AKT3: variants seen among roughly 807,000 people sequenced by gnomAD.
The protein encoded by AKT3 is RAC-gamma serine/threonine-protein kinase.
A neutral mutation model predicts 65.3 loss-of-function variants in AKT3; 15 were observed. That is an observed-to-expected ratio of 0.23 (90% CI 0.15 to 0.35). AKT3 has a LOEUF of 0.35. AKT3 is among the 10% of genes least tolerant of loss of function. The pLI is 1.00. For synonymous variants in AKT3, 206 were observed against 183.8 expected, an observed-to-expected ratio of 1.12 and a Z score of -0.98; for missense variants, 243 against 576.5, an observed-to-expected ratio of 0.42 and a Z score of 5.92.
At chr1:243,699,835 T>G (rs1275584995) in intron 2 of AKT3, among the ~76,000 whole-genome samples, 1 of 151,914 alleles carries the variant, frequency 6.6e-6, no homozygotes, top group Non-Finnish European at 1.5e-5. Context: ...CAATTACAAA[T>G]GTCCTTTTAA....
chr1:243,490,528 C>T (rs1050438532), intron 13 of AKT3, among the ~76,000 whole-genome samples: 1 of 152,244 alleles, frequency 6.6e-6, no homozygotes, highest in African/African-American at 2.4e-5. Context: ...GGTTGTGTCA[C>T]TGTGCTGAAT....
chr1:243,550,223 A>G (rs1672953124), intron 11 of AKT3, among the ~76,000 whole-genome samples: 1 of 152,214 alleles, frequency 6.6e-6, no homozygotes. Context: ...CATCTCACTC[A>G]TCCTTGTATT....
At chr1:243,700,396 T>A (rs530702465) in intron 2 of AKT3, among the ~76,000 whole-genome samples, 9 of 152,194 alleles carry the variant, frequency 5.9e-5, no homozygotes, top group Non-Finnish European at 1.2e-4. Flanking sequence ...TTCCCTGTAG[T>A]TAAAACAAAC....
At chr1:243,660,423 C>G (rs9730285) in intron 4 of AKT3, among the ~76,000 whole-genome samples, 1 of 152,044 alleles carries the variant, frequency 6.6e-6, no homozygotes, top group Non-Finnish European at 1.5e-5. Flanking sequence ...AATCAATAAA[C>G]GTAATCCAGC....
chr1:243,825,558 A>C (rs1694116167), intron 2 of AKT3, among the ~76,000 whole-genome samples: 2 of 152,208 alleles, frequency 1.3e-5, no homozygotes, highest in South Asian at 4.1e-4. Context: ...CAAACTATGT[A>C]ATTTGGATAT....
chr1:243,645,000 T>C (rs1054966123), intron 5 of AKT3, among the ~76,000 whole-genome samples: 1 of 152,170 alleles, frequency 6.6e-6, no homozygotes, highest in Non-Finnish European at 1.5e-5. Flanking sequence ...AGAATATTAT[T>C]CTTATTCACA....
At chr1:243,562,781 G>A (rs999675984) in intron 10 of AKT3, among the ~76,000 whole-genome samples, 4 of 152,148 alleles carry the variant, frequency 2.6e-5, no homozygotes, top group African/African-American at 7.2e-5. Context: ...CTAGTCTCCA[G>A]CCATAGAATC....
chr1:243,627,651 T>A (rs530473070), intron 6 of AKT3, among the ~76,000 whole-genome samples: 1 of 152,160 alleles, frequency 6.6e-6, no homozygotes, highest in African/African-American at 2.4e-5. Flanking sequence ...GGCTGGAGGA[T>A]AAATCCAGCA....
chr1:243,774,118 C>G (rs1690385086), intron 2 of AKT3, among the ~76,000 whole-genome samples: 1 of 152,140 alleles, frequency 6.6e-6, no homozygotes, highest in Non-Finnish European at 1.5e-5. Context: ...GTATTTCTTA[C>G]TATTAGTCCC....
chr1:243,603,894 C>CTTTTT (rs566682027), intron 8 of AKT3, among the ~76,000 whole-genome samples: 2 of 129,972 alleles, frequency 1.5e-5, no homozygotes, highest in African/African-American at 2.9e-5. Flanking sequence ...AATTAATAAT[C>CTTTTT]TTTTTTTTTT....
chr1:243,527,870 AACACACACACACACAC>A (rs56956606), intron 12 of AKT3, among the ~76,000 whole-genome samples: 2,324 of 99,204 alleles, frequency 0.023, 57 homozygotes, highest in African/African-American at 0.033. Flanking sequence ...CATCTCTTAA[AACACACACACACACAC>A]ACACACACAC....
At chr1:243,799,083 C>T (rs982160226) in intron 2 of AKT3, among the ~76,000 whole-genome samples, 4 of 152,146 alleles carry the variant, frequency 2.6e-5, no homozygotes, top group African/African-American at 9.7e-5. Context: ...TGAACTAGGG[C>T]AGGCACTAGA....
chr1:243,491,149 ATC>A (rs1038002923), intron 13 of AKT3, among the ~76,000 whole-genome samples: 5 of 152,214 alleles, frequency 3.3e-5, no homozygotes, highest in African/African-American at 7.2e-5. Flanking sequence ...TTAACTCCCC[ATC>A]TGCCTGCTTT....
chr1:243,695,637 A>C lies in AKT3; in HGVS notation c.126T>G (p.Pro42=). Residue 42 remains proline (P), a synonymous_variant, in exon 3 of 14, where the codon CCT becomes CCG. Transcript: ENST00000673466. ...DGSFIGYKEK[P]QDVDLPYPLN... ...GGGGATAAGGTAAATCCACATCTTG[A>C]GGTTTCTCTTTATATCCTATGAATG... The C allele has an allele frequency of 6.2e-7, 1 of 1,607,780 alleles. No individual in the cohort carries two copies. The highest frequency in any genetic ancestry group is 8.5e-7 in the Non-Finnish European group (1 of 1,176,208).
rs1690382188 is a variant in AKT3 at position 243,774,057 on chromosome 1, GA to G, written c.46+69067del. Among the ~76,000 whole-genome samples the G allele has an allele frequency of 2.0e-5, 3 of 151,678 alleles. No individual in the cohort carries two copies. In the South Asian group the frequency reaches 6.2e-4, roughly 32 times the overall value. On this transcript the variant is annotated intron_variant, in intron 2 of 13. Transcript: ENST00000673466. ...TTACATGAGGAGTGTGAAAGAGCAA[GA>G]AAAAAAAGGTCACAAAAGGGTCCTA...
chr1:243,497,339 G>GA, downstream of AKT3, among the ~76,000 whole-genome samples: 1 of 143,608 alleles, frequency 7.0e-6, no homozygotes, highest in East Asian at 2.0e-4. Context: ...GGCACGGGTG[G>GA]GGGGGGGGGC....
chr1:243,497,267 G>A (rs575748960), downstream of AKT3, among the ~76,000 whole-genome samples: 2 of 138,934 alleles, frequency 1.4e-5, no homozygotes, highest in African/African-American at 2.7e-5. Flanking sequence ...TGACCTCCTA[G>A]GACAAATTAT....
intron 2 of AKT3, among the ~76,000 whole-genome samples, chr1:243,768,758 C>T (rs1053007774): frequency 4.0e-5 from 6 of 149,678 alleles, no homozygotes; most frequent in African/African-American, 9.9e-5. Context: ...TCACTTGAAC[C>T]GAGGAGGCAG....
At chr1:243,587,728 G>C (rs1432350785) in intron 8 of AKT3, among the ~76,000 whole-genome samples, 1 of 152,010 alleles carries the variant, frequency 6.6e-6, no homozygotes, top group Non-Finnish European at 1.5e-5. Context: ...CTTCCAACCA[G>C]GTTGAAGAAA....
Sources: gnomAD v4.1 joint callset for allele counts (sites outside exome capture counted in the v4.1 genomes callset) on GRCh38, gnomAD v4.1.1 for gene constraint, MANE v1.5 for transcripts, NCBI Gene and HGNC (gene_info 2026-07-23, HGNC 2026-07-21) for gene names.